NME9: variants seen among roughly 807,000 people sequenced by gnomAD.
NME9 encodes the protein thioredoxin domain-containing protein 6.
Under a neutral mutation model 44.4 loss-of-function variants are expected in NME9, and 48 were observed. The ratio of observed to expected loss-of-function variants is 1.08; its 90% CI spans 0.86 to 1.37. NME9 has a LOEUF of 1.37. Among genes scored for constraint, NME9 ranks in the 40% most tolerant of loss-of-function variants. The probability of loss-of-function intolerance (pLI) is 0.00; values close to 1 mark genes in which losing one functional copy is unlikely to be tolerated. For missense variants in NME9, 325 were observed against 405.2 expected (o/e 0.80, Z 1.70); for synonymous variants, 139 against 147.1 (o/e 0.94, Z 0.40).
chr3:138,314,682 G>A (rs951083849), intron 5 of NME9, among the ~76,000 whole-genome samples: 22 of 152,128 alleles, frequency 1.4e-4, no homozygotes, highest in African/African-American at 4.3e-4. Context: ...AGAAGACAAA[G>A]AATTGAAATG....
At position 138,285,472 on chromosome 3, in the gene NME9, G is replaced by A. The variant is rs574441783; in HGVS notation, c.745+18035C>T. Among the ~76,000 whole-genome samples the A allele has an allele frequency of 9.3e-4, 142 of 152,206 alleles. 3 individuals are homozygous for A. The highest frequency in any genetic ancestry group is 3.2e-3 in the African/African-American group (132 of 41,522). ...CTGGCCACTTGAAGTTTCTCAAAAA[G>A]GCCACGTTCTTTCCTTCCTTGGGAC... On this transcript the variant is annotated intron_variant, in intron 8 of 8. Coordinates refer to the NME9 transcript ENST00000317876.
intron 8 of NME9, 79 bp from the exon 9 acceptor site, chr3:138,305,106 A>C: frequency 7.5e-7 from 1 of 1,338,428 alleles, no homozygotes; most frequent in Non-Finnish European, 1.0e-6. Flanking sequence ...CATCTCACCC[A>C]CGGAATGGGA....
chr3:138,308,276 T>C (rs915471661), intron 6 of NME9, among the ~76,000 whole-genome samples: 2 of 152,192 alleles, frequency 1.3e-5, no homozygotes, highest in African/African-American at 4.8e-5. Context: ...TCTCCACACA[T>C]GTAAAAACAG....
At chr3:138,314,649 G>A (rs560814885) in intron 5 of NME9, among the ~76,000 whole-genome samples, 9 of 152,238 alleles carry the variant, frequency 5.9e-5, no homozygotes, top group African/African-American at 1.9e-4. Context: ...CTTTTCATAA[G>A]CATTAAGTAG....
intron 6 of NME9, among the ~76,000 whole-genome samples, chr3:138,311,337 A>G (rs1222436278): frequency 6.6e-6 from 1 of 152,198 alleles, no homozygotes. Flanking sequence ...AATACCAATT[A>G]TACTCAAACT....
chr3:138,286,229 C>T (rs2050397253), intron 8 of NME9, among the ~76,000 whole-genome samples: 1 of 152,202 alleles, frequency 6.6e-6, no homozygotes, highest in Admixed American at 6.5e-5. Context: ...AGGCATGAGC[C>T]ACTGCGCCCA....
intron 8 of NME9, chr3:138,273,092 T>G (rs771223689): frequency 6.2e-7 from 1 of 1,611,660 alleles, no homozygotes; most frequent in South Asian, 1.1e-5. Context: ...TGGGACTTCT[T>G]AGAAATCTCC....
At chr3:138,298,943 G>A (rs1477390409), downstream of NME9, among the ~76,000 whole-genome samples, 2 of 152,208 alleles carry the variant, frequency 1.3e-5, no homozygotes, top group African/African-American at 4.8e-5. Context: ...CCTCTGAGAG[G>A]ACCCAAGGTA....
At chr3:138,308,960 A>C (rs960898564) in intron 6 of NME9, among the ~76,000 whole-genome samples, 3 of 151,236 alleles carry the variant, frequency 2.0e-5, no homozygotes, top group African/African-American at 4.8e-5. Flanking sequence ...AAAAAAAAAA[A>C]AAAAAAAAAC....
chr3:138,328,098 A>G (rs978031539), intron 1 of NME9, among the ~76,000 whole-genome samples: 4 of 152,214 alleles, frequency 2.6e-5, no homozygotes, highest in Non-Finnish European at 5.9e-5. Context: ...TGGTAGGACC[A>G]GTTGATCAGA....
rs1375485712 is a variant in NME9 at position 138,286,297 on chromosome 3, G to T, written c.745+17210C>A. Among the ~76,000 whole-genome samples the T allele has an allele frequency of 2.6e-5, 4 of 152,148 alleles. No homozygotes were observed. In the East Asian group the frequency reaches 7.7e-4, roughly 29 times the overall value. ...TTCTGTACATACGGCCTCCTCCTCT[G>T]CCTCTAAAGTCATTTTTTAACCTCC... On this transcript the variant is annotated intron_variant, in intron 8 of 8. Coordinates refer to the NME9 transcript ENST00000317876.
At chr3:138,268,182 G>C (rs1004852588) in intron 8 of NME9, among the ~76,000 whole-genome samples, 1 of 152,268 alleles carries the variant, frequency 6.6e-6, no homozygotes, top group Admixed American at 6.5e-5. Flanking sequence ...GGCAAAGGTT[G>C]CAGTGAGCTG....
At chr3:138,315,491 G>C in intron 5 of NME9, 36 bp downstream of exon 5, 2 of 1,416,902 alleles carry the variant, frequency 1.4e-6, no homozygotes, top group Non-Finnish European at 1.9e-6. Flanking sequence ...TAGCGCACTT[G>C]TGAGTTAGCT....
chr3:138,307,117 T>C (rs889377105), intron 6 of NME9, among the ~76,000 whole-genome samples: 1 of 152,222 alleles, frequency 6.6e-6, no homozygotes, highest in Non-Finnish European at 1.5e-5. Flanking sequence ...GTTTCAGTAG[T>C]CTGTCTCCGT....
At chr3:138,290,050 T>C (rs539635157) in intron 8 of NME9, among the ~76,000 whole-genome samples, 6 of 152,168 alleles carry the variant, frequency 3.9e-5, no homozygotes, top group Admixed American at 2.6e-4. Context: ...AGTTGGAAGA[T>C]AGAACAGAAT....
At chr3:138,314,002 G>A (rs1433827693) in intron 6 of NME9, among the ~76,000 whole-genome samples, 1 of 152,140 alleles carries the variant, frequency 6.6e-6, no homozygotes, top group African/African-American at 2.4e-5. Context: ...AATCAGTAGG[G>A]TGAATATAGT....
intron 8 of NME9, among the ~76,000 whole-genome samples, chr3:138,294,265 T>C (rs2051261775): frequency 6.6e-6 from 1 of 152,304 alleles, no homozygotes; most frequent in East Asian, 1.9e-4. Flanking sequence ...TGCTTACAGA[T>C]GAGAAGCTAT....
intron 8 of NME9, chr3:138,290,458 C>A: frequency 1.0e-6 from 1 of 972,384 alleles, no homozygotes; most frequent in Non-Finnish European, 1.6e-6. Context: ...GAGTGAAGGA[C>A]ACTGGTAAGG....
At chr3:138,263,455 T>A (rs1414069918) in intron 8 of NME9, 7 of 375,498 alleles carry the variant, frequency 1.9e-5, no homozygotes, top group Non-Finnish European at 3.0e-5. Context: ...ACATAACACC[T>A]CTGCAGTACT....
Sources: allele counts gnomAD v4.1 joint callset (sites outside exome capture counted in the v4.1 genomes callset), GRCh38; gene constraint gnomAD v4.1.1; transcripts MANE v1.5; gene names NCBI Gene and HGNC (gene_info 2026-07-23, HGNC 2026-07-21).